C1orf94: variants seen among roughly 807,000 people sequenced by gnomAD.
C1orf94 encodes uncharacterized protein C1orf94.
Under a neutral mutation model 53.6 loss-of-function variants are expected in C1orf94, and 45 were observed. That is an observed-to-expected ratio of 0.84 (90% CI 0.66 to 1.08). C1orf94 has a LOEUF of 1.08. C1orf94 is among the 50% of genes least tolerant of loss of function. The pLI is 0.00. For missense variants in C1orf94, 762 were observed against 738.9 expected (o/e 1.03, Z -0.36); for synonymous variants, 304 against 296.1 (o/e 1.03, Z -0.27).
In C1orf94 at chr1:34,197,300, G is replaced by T; in HGVS notation, c.396G>T (p.Glu132Asp). 1.3e-6 allele frequency: 2 copies of T among 1,555,516 alleles called. No homozygotes were observed. Among genetic ancestry groups the T allele is most frequent in the Non-Finnish European group, 8.7e-7 (1 of 1,148,906 alleles). The stretch of plus-strand genomic sequence containing the variant: ...AGGAGTTCCTAAGCCTCACCAAAGA[G>T]CACTCGATCCTGGTCGAAGAGAGTT... ...VEQEFLSLTK[E>D]HSILVEESSG... The change falls in exon 2 of 7, where the codon GAG becomes GAT. Residue 132 changes from glutamate to aspartate, a missense_variant. Physicochemically the swap from Glu to Asp is conservative, Grantham distance 45 (BLOSUM62 2). Transcript: ENST00000488417. The surrounding 1 kb of genome is among the most constrained non-coding windows in gnomAD (Gnocchi z 4.1).
Position 34,218,742 on chromosome 1 carries a change from G to T in C1orf94, c.1778G>T (p.Gly593Val). 4 of 1,612,384 alleles carry T rather than the reference G, an allele frequency of 2.5e-6. No individual in the cohort carries two copies. The highest frequency in any genetic ancestry group is 3.4e-6 in the Non-Finnish European group (4 of 1,178,904). Residue 593 changes from glycine to valine, a missense_variant, in exon 7 of 7, where the codon GGG becomes GTG. Gly to Val is a moderately radical substitution (Grantham distance 109). Transcript: ENST00000488417. ...LMHSPYFSSS[G>V]NGINF ...CACAGCCCCTATTTTTCTTCCAGTG[G>T]GAATGGCATAAACTTTTAGATCTCC...
At chr1:34,211,089 A>G (rs1252581913) in intron 5 of C1orf94, among the ~76,000 whole-genome samples, 1 of 151,580 alleles carries the variant, frequency 6.6e-6, no homozygotes, top group African/African-American at 2.4e-5. Flanking sequence ...TCTAACTGAT[A>G]CTCCCCTCAG....
chr1:34,212,541 G>T, intron 6 of C1orf94, 135 bp downstream of exon 6: 2 of 922,090 alleles, frequency 2.2e-6, no homozygotes, highest in Non-Finnish European at 3.2e-6. Context: ...CTGTACCTGT[G>T]GCTGGTGGTT....
At chr1:34,172,940 G>A (rs923419698), upstream of C1orf94, among the ~76,000 whole-genome samples, 5 of 152,288 alleles carry the variant, frequency 3.3e-5, no homozygotes, top group East Asian at 1.9e-4. Context: ...AGCATTATTC[G>A]CATGGGAATG....
chr1:34,176,530 C>G (rs1642228090), upstream of C1orf94, among the ~76,000 whole-genome samples: 1 of 152,122 alleles, frequency 6.6e-6, no homozygotes, highest in South Asian at 2.1e-4. Flanking sequence ...CTAGATCAGG[C>G]CTAGAGTGCT....
chr1:34,213,385 G>A (rs1051122942), intron 6 of C1orf94, among the ~76,000 whole-genome samples: 11 of 152,180 alleles, frequency 7.2e-5, no homozygotes, highest in Admixed American at 2.0e-4. Flanking sequence ...AGTCAGATCT[G>A]TTTGGGAAAA....
rs773351783 is a variant in C1orf94 at position 34,212,382 on chromosome 1, A to T, written c.1697A>T (p.Gln566Leu). ...CCCCTAATGGCAGGAGATGGACCGC[A>T]GTACCTCTTTCCCCAAGGATATGGG... ...DPPLMAGDGPQYLFPQGYGFG... is the reference protein window; with the variant it reads ...DPPLMAGDGPLYLFPQGYGFG... The change falls in exon 6 of 7, where the codon CAG becomes CTG. Residue 566 changes from glutamine (Q) to leucine (L), a missense_variant. By Grantham distance (113) the Gln-to-Leu change is moderately radical (BLOSUM62 -2). Coordinates refer to ENST00000488417, the MANE Select transcript of C1orf94 (RefSeq NM_001134734.2). 5.6e-6 allele frequency: 9 copies of T among 1,611,636 alleles called. No homozygotes were observed. Among genetic ancestry groups the T allele is most frequent in the African/African-American group, 1.3e-5 (1 of 74,630 alleles).
Position 34,197,533 on chromosome 1 carries a change from T to C in C1orf94, c.629T>C (p.Ile210Thr). 6.2e-7 allele frequency: 1 copy of C among 1,614,082 alleles called. No individual in the cohort carries two copies. ...TCTGCCACTTCTACTGTCACAGACA[T>C]TCTGTGTGCCGCCGAGGTCAAGAGC... is the stretch of plus-strand genomic sequence containing the variant. ...CDSATSTVTD[I>T]LCAAEVKSSK... Residue 210 changes from isoleucine to threonine, a missense_variant, in exon 2 of 7, where the codon ATT becomes ACT. Transcript: ENST00000488417. This position sits in a 1 kb window ranked among gnomAD's most constrained non-coding sequence, Gnocchi z 4.1.
chr1:34,194,727 C>T (rs565398050), intron 1 of C1orf94, among the ~76,000 whole-genome samples: 5 of 152,246 alleles, frequency 3.3e-5, no homozygotes, highest in South Asian at 4.1e-4. Context: ...TAGTATGTAT[C>T]GCTAAGAGAT....
chr1:34,181,118 G>T (rs1389857298), intron 1 of C1orf94, among the ~76,000 whole-genome samples: 2 of 152,066 alleles, frequency 1.3e-5, no homozygotes, highest in African/African-American at 4.8e-5. Flanking sequence ...CATTGATCTG[G>T]ATTCTGCCCT....
chr1:34,177,975 A>G lies in C1orf94; in HGVS notation c.186A>G (p.Leu62=). The change falls in exon 1 of 7, where the codon CTA becomes CTG. Residue 62 remains leucine (L), a synonymous_variant. Coordinates refer to ENST00000488417, the MANE Select transcript of C1orf94 (RefSeq NM_001134734.2). ...WIHQDTPQDS[L]DKTCHEIWKR... ...ACCAGGACACACCCCAAGACAGCCT[A>G]GACAAGACTTGCCATGAAATCTGGA... The G allele has an allele frequency of 1.9e-6, 3 of 1,551,768 alleles. No homozygotes were observed. Among genetic ancestry groups the G allele is most frequent in the Non-Finnish European group, 2.6e-6 (3 of 1,147,012 alleles).
rs199542996 is a variant in C1orf94 at position 34,169,618 on chromosome 1, AGAGAGAGAGAGAGAGAGT to A, written c.-251+2451_-251+2468del. Among the ~76,000 whole-genome samples the A allele has an allele frequency of 4.9e-3, 459 of 94,074 alleles. 19 individuals are homozygous for A. The East Asian group carries it at 0.11, about 23-fold the overall frequency. 61.7% of individuals were successfully genotyped at this position (94,074 alleles called of 152,430 possible). On this transcript the variant is annotated intron_variant, in intron 1 of 6. Coordinates refer to the C1orf94 transcript ENST00000373374. ...AGCTGAGAGAGAGAGAGAGAGAGAGAGAGAGAGAGAGAGAGAGTGAGCAAATGGGAGATTCTAGCAATG... is the reference window on the plus strand; with the variant it reads ...AGCTGAGAGAGAGAGAGAGAGAGAGAGAGCAAATGGGAGATTCTAGCAATG...
At chr1:34,188,724 G>A (rs900182491) in intron 1 of C1orf94, among the ~76,000 whole-genome samples, 3 of 152,164 alleles carry the variant, frequency 2.0e-5, no homozygotes, top group Non-Finnish European at 4.4e-5. Flanking sequence ...CGGCCCGGAG[G>A]GTGGAGGAGG....
At chr1:34,182,080 G>A (rs1642318413) in intron 1 of C1orf94, among the ~76,000 whole-genome samples, 1 of 152,318 alleles carries the variant, frequency 6.6e-6, no homozygotes, top group East Asian at 1.9e-4. Flanking sequence ...TGTAGTTCTA[G>A]CTACTCGGGA....
At position 34,212,285 on chromosome 1, in the gene C1orf94, C is replaced by G. The variant is rs1166497802; in HGVS notation, c.1600C>G (p.Pro534Ala). 6.2e-7 allele frequency: 1 copy of G among 1,614,024 alleles called. No homozygotes were observed. The highest frequency in any genetic ancestry group is 8.5e-7 in the Non-Finnish European group (1 of 1,179,998). Residue 534 changes from proline to alanine, a missense_variant, in exon 6 of 7, where the codon CCT becomes GCT. Coordinates refer to ENST00000488417, the MANE Select transcript of C1orf94 (RefSeq NM_001134734.2). ...CTACACCCCTCTGCTGAGCTACATC[C>G]CTTTTGTCCAGCCCAATTATCCCTA... ...SSYTPLLSYI[P>A]FVQPNYPYPQ...
At chr1:34,204,033 C>T (rs148290320) in intron 4 of C1orf94, among the ~76,000 whole-genome samples, 1 of 152,316 alleles carries the variant, frequency 6.6e-6, no homozygotes, top group African/African-American at 2.4e-5. Flanking sequence ...TTTGTGCACT[C>T]AGGACCTTGG....
intron 5 of C1orf94, among the ~76,000 whole-genome samples, chr1:34,211,138 G>A (rs896902061): frequency 6.6e-6 from 1 of 152,002 alleles, no homozygotes; most frequent in African/African-American, 2.4e-5. Context: ...ATGAGAAAAG[G>A]TTTTCTCATA....
Position 34,203,434 on chromosome 1 carries a change from G to A in C1orf94, c.1446+1175G>A, listed in dbSNP as rs1374076304. 1.1e-4 allele frequency among the ~76,000 whole-genome samples: 16 copies of A among 152,194 alleles called. No individual in the cohort carries two copies. In the South Asian group the frequency reaches 3.3e-3, roughly 32 times the overall value. On this transcript the variant is annotated intron_variant, in intron 4 of 6. Transcript: ENST00000488417. ...GAGCCACCGCACCCGGCCCTCAAAT[G>A]CCATTTTATATCAGAGACTTGAGCA... is the stretch of plus-strand genomic sequence containing the variant.
In C1orf94 at chr1:34,178,023, G is replaced by C; in HGVS notation, c.234G>C (p.Glu78Asp). The change falls in exon 1 of 7, where the codon GAG (glutamate) becomes GAC (aspartate). Residue 78 changes from glutamate (E) to aspartate (D), a missense_variant. Transcript: ENST00000488417. ...EIWKRVQGLP[E>D]ASQPWTSMEQ... ...GGAAGAGAGTTCAAGGCCTGCCTGA[G>C]GCCTCACAGCCCTGGACCTCCATGG... 1 of 1,551,724 alleles carries C rather than the reference G, an allele frequency of 6.4e-7. No individual in the cohort carries two copies. The highest frequency in any genetic ancestry group is 8.7e-7 in the Non-Finnish European group (1 of 1,147,002).
Sources: gnomAD v4.1 joint callset for allele counts (sites outside exome capture counted in the v4.1 genomes callset) on GRCh38, gnomAD v4.1.1 for gene constraint, Gnocchi (gnomAD v3.1) non-coding constraint, MANE v1.5 for transcripts, NCBI Gene and HGNC (gene_info 2026-07-23, HGNC 2026-07-21) for gene names.